Variants in USH1C observed in about 807,000 individuals in gnomAD.
USH1C encodes harmonin.
In USH1C, 90 loss-of-function variants were observed where a neutral mutation model predicts 119.3. That is an observed-to-expected ratio of 0.75 (90% CI 0.64 to 0.90). The LOEUF (loss-of-function observed/expected upper bound fraction) is 0.90, where lower values mean the gene tolerates loss of function less well. Among genes scored for constraint, USH1C ranks in the 40% least tolerant of loss-of-function variants. USH1C has a pLI of 0.00. For missense variants in USH1C, 1,165 were observed against 1,167.7 expected, an observed-to-expected ratio of 1.00 and a Z score of 0.03; for synonymous variants, 465 against 443.3, an observed-to-expected ratio of 1.05 and a Z score of -0.62.
intron 6 of USH1C, 24 bp downstream of exon 6, chr11:17,526,992 G>A (rs1403257791): frequency 6.4e-7 from 1 of 1,563,210 alleles, no homozygotes; most frequent in Non-Finnish European, 8.7e-7. Flanking sequence ...GGAAGAGTTG[G>A]CCTGCAGAGG....
At chr11:17,496,436 G>C (rs1333988626) in intron 25 of USH1C, among the ~76,000 whole-genome samples, 1 of 152,226 alleles carries the variant, frequency 6.6e-6, no homozygotes, top group Non-Finnish European at 1.5e-5. Flanking sequence ...TAATGGGGCA[G>C]GGGATAAAGT....
intron 1 of USH1C, among the ~76,000 whole-genome samples, chr11:17,538,132 A>G (rs1332428878): frequency 6.6e-6 from 1 of 152,144 alleles, no homozygotes; most frequent in Non-Finnish European, 1.5e-5. Flanking sequence ...AGAAGCCCTA[A>G]AGGAGCCCAC....
chr11:17,530,994 T>C (rs1850941619), intron 4 of USH1C, among the ~76,000 whole-genome samples, 160 bp downstream of exon 4: 1 of 152,224 alleles, frequency 6.6e-6, no homozygotes, highest in Non-Finnish European at 1.5e-5. Context: ...CTGATTTCTA[T>C]GAGCCTAAGA....
At position 17,531,406 on chromosome 11, in the gene USH1C, G is replaced by A. The variant is rs876658111; in HGVS notation, c.241C>T (p.Arg81Cys). Residue 81 changes from arginine (R) to cysteine (C), a missense_variant, in exon 3 of 27, where the codon CGC (arginine) becomes TGC (cysteine). By Grantham distance (180) the Arg-to-Cys change is radical. Coordinates refer to ENST00000005226, the MANE Select transcript of USH1C (RefSeq NM_153676.4). The surrounding 1 kb of genome is among the most constrained non-coding windows in gnomAD (Gnocchi z 4.2). The part of the protein sequence containing the change: ...QVEYDQLTPR[R>C]SRKLKEVRLD... ...TGGTGGCTTCCTCTGCACCTGGAGCGCCGGGGGGTCAGCTGATCATATTCC... is the reference window on the plus strand; with the variant it reads ...TGGTGGCTTCCTCTGCACCTGGAGCACCGGGGGGTCAGCTGATCATATTCC... 36 of 1,613,678 alleles carry A rather than the reference G, an allele frequency of 2.2e-5. No individual in the cohort carries two copies. Among genetic ancestry groups the A allele is most frequent in the Non-Finnish European group, 2.8e-5 (33 of 1,179,878 alleles).
At chr11:17,501,681 C>T in intron 21 of USH1C, 146 bp from the exon 22 acceptor site, 1 of 1,025,514 alleles carries the variant, frequency 9.8e-7, no homozygotes, top group Non-Finnish European at 1.5e-6. Flanking sequence ...CCCACCCCTA[C>T]TGGTCTTCAA....
In USH1C at chr11:17,501,299, G is replaced by T. The variant is rs545408465; in HGVS notation, c.2281-149C>A. 4 of 1,039,492 alleles carry T rather than the reference G, an allele frequency of 3.8e-6. No homozygotes were observed. In the Admixed American group the frequency reaches 6.0e-5, roughly 16 times the overall value. 64.4% of individuals were successfully genotyped at this position (1,039,492 alleles called of 1,614,324 possible). On this transcript the variant is annotated intron_variant, in intron 22 of 26. Coordinates refer to ENST00000005226, the MANE Select transcript of USH1C (RefSeq NM_153676.4). Reference sequence around the variant, plus strand: ...GCCATCTGGAGAAAACGCAGCCTTGGTGCCAAGTGGGGCCTGGGTATGCGG... The same window carrying T: ...GCCATCTGGAGAAAACGCAGCCTTGTTGCCAAGTGGGGCCTGGGTATGCGG...
chr11:17,522,849 G>A lies in USH1C; in HGVS notation c.954C>T (p.Leu318=), dbSNP rs1163081568. 6.2e-7 allele frequency: 1 copy of A among 1,613,206 alleles called. No individual in the cohort carries two copies. The highest frequency in any genetic ancestry group is 2.2e-5 in the East Asian group (1 of 44,868). The change falls in exon 12 of 27, where the codon CTC becomes CTT. Residue 318 remains leucine, a synonymous_variant. Transcript: ENST00000005226. ...ACTCCATCGCCAGCCGCTTCTGCAT[G>A]AGAAGCTCCTGCCGCTGCAGCTCAC... ...RQRELQRQEL[L]MQKRLAMESN...
intron 13 of USH1C, 56 bp downstream of exon 13, chr11:17,521,290 C>T: frequency 6.3e-7 from 1 of 1,594,722 alleles, no homozygotes; most frequent in Non-Finnish European, 8.6e-7. Flanking sequence ...GTTGGCCACA[C>T]TCCCCTGAGC....
chr11:17,521,936 C>T (rs763546273), intron 12 of USH1C, among the ~76,000 whole-genome samples: 25 of 152,290 alleles, frequency 1.6e-4, no homozygotes, highest in Middle Eastern at 3.4e-3. Context: ...TCAAGTGATT[C>T]TCATGTCTCA....
At chr11:17,528,363 T>C (rs1850805248) in intron 4 of USH1C, among the ~76,000 whole-genome samples, 1 of 152,200 alleles carries the variant, frequency 6.6e-6, no homozygotes, top group Non-Finnish European at 1.5e-5. Context: ...TGGGGATCAA[T>C]TCTGGAGCTC....
intron 7 of USH1C, 138 bp from the exon 8 acceptor site, chr11:17,526,579 C>A: frequency 8.9e-7 from 1 of 1,128,406 alleles, no homozygotes; most frequent in Non-Finnish European, 1.3e-6. Flanking sequence ...GATGTGTCTG[C>A]ACCAGCTGGG....
intron 12 of USH1C, 133 bp downstream of exon 12, chr11:17,522,651 A>G: frequency 7.3e-7 from 1 of 1,364,338 alleles, no homozygotes. Context: ...CACCAAACTC[A>G]TCTGGTCTGA....
chr11:17,543,799 C>T (rs1851575983), intron 1 of USH1C, among the ~76,000 whole-genome samples: 1 of 152,238 alleles, frequency 6.6e-6, no homozygotes, highest in African/African-American at 2.4e-5. Context: ...GGCTGAAATG[C>T]TTCTAACTCA....
chr11:17,543,788 G>A (rs537941638), intron 1 of USH1C, among the ~76,000 whole-genome samples: 2 of 152,350 alleles, frequency 1.3e-5, no homozygotes, highest in African/African-American at 2.4e-5. Flanking sequence ...TAGGCAGGCA[G>A]GGCTGAAATG....
chr11:17,540,488 A>T (rs1472612083), intron 1 of USH1C, among the ~76,000 whole-genome samples: 4 of 151,878 alleles, frequency 2.6e-5, no homozygotes, highest in Non-Finnish European at 5.9e-5. Flanking sequence ...GGGTTTAAAT[A>T]CCACTCACAC....
chr11:17,509,497 C>T lies in USH1C; in HGVS notation c.1872G>A (p.Ser624=), dbSNP rs80124409. Residue 624 remains serine, a synonymous_variant, in exon 18 of 27, where the codon TCG becomes TCA. Coordinates refer to ENST00000005226, the MANE Select transcript of USH1C (RefSeq NM_153676.4). ...GGTTGCTCAGTGCTTCTTCCAGCGC[C>T]GAGGGCAGTGGGCGGGTGGGAGTGA... The part of the protein sequence containing the change: ...QDLTPTRPLP[S]ALEEALSNHP... The T allele has an allele frequency of 2.7e-3, 3,898 of 1,419,594 alleles. 83 individuals are homozygous for T. In the African/African-American group the frequency reaches 0.056, roughly 20 times the overall value. The allele number at this position is 1,419,594 out of a possible 1,614,324, so 87.9% of individuals were successfully genotyped here. A position where few individuals can be genotyped will look rare whatever the true frequency, so the allele number is the denominator to read the frequency against.
chr11:17,541,572 G>A (rs1221081492), intron 1 of USH1C, among the ~76,000 whole-genome samples: 1 of 152,222 alleles, frequency 6.6e-6, no homozygotes, highest in Non-Finnish European at 1.5e-5. Context: ...CCCTGTGCTG[G>A]TGCTGCGAAC....
At chr11:17,543,951 C>G (rs1565078129) in intron 1 of USH1C, among the ~76,000 whole-genome samples, 1 of 152,206 alleles carries the variant, frequency 6.6e-6, no homozygotes, top group Non-Finnish European at 1.5e-5. Context: ...GGCTTGCCCA[C>G]AAAGGGGGCA....
intron 18 of USH1C, among the ~76,000 whole-genome samples, chr11:17,509,143 A>G (rs1168584295): frequency 2.6e-5 from 4 of 152,206 alleles, no homozygotes; most frequent in Non-Finnish European, 5.9e-5. Flanking sequence ...GTCCCAGGCC[A>G]TTCACCATAC....
Sources: allele counts gnomAD v4.1 joint callset (sites outside exome capture counted in the v4.1 genomes callset), GRCh38; gene constraint gnomAD v4.1.1; non-coding constraint Gnocchi (gnomAD v3.1); transcripts MANE v1.5; gene names NCBI Gene and HGNC (gene_info 2026-07-23, HGNC 2026-07-21).